The following PPARGC1A variants were observed in gnomAD, a reference collection of about 807,000 sequenced individuals.
PPARGC1A encodes peroxisome proliferator-activated receptor gamma coactivator 1-alpha.
In PPARGC1A, 25 loss-of-function variants were observed where a neutral mutation model predicts 88.7. The observed-to-expected ratio is 0.28, with a 90% CI of 0.21 to 0.39. The LOEUF is 0.39. PPARGC1A is among the 10% of genes least tolerant of loss of function. PPARGC1A has a pLI of 1.00. For missense variants in PPARGC1A, 880 were observed against 968.7 expected (o/e 0.91, Z 1.22); for synonymous variants, 363 against 355.6 (o/e 1.02, Z -0.24).
upstream of PPARGC1A, among the ~76,000 whole-genome samples, chr4:23,900,954 G>T (rs1408275910): frequency 6.6e-6 from 1 of 152,236 alleles, no homozygotes; most frequent in Admixed American, 6.5e-5. Flanking sequence ...GCTGGGTGCG[G>T]TGGCTCACGC....
At chr4:24,101,439 A>G in the PPARGC1A span, among the ~76,000 whole-genome samples, 5,894 of 152,296 alleles carry the variant, frequency 0.039, 326 homozygotes, top group African/African-American at 0.12. Context: ...ATGGACTAAT[A>G]TAACTTTATT....
chr4:24,039,819 T>C, the PPARGC1A span, among the ~76,000 whole-genome samples: 5 of 152,160 alleles, frequency 3.3e-5, no homozygotes, highest in African/African-American at 9.6e-5. Flanking sequence ...AAGCACTCGA[T>C]AGAAACGTAG....
At chr4:24,315,754 C>A in the PPARGC1A span, among the ~76,000 whole-genome samples, 1 of 152,180 alleles carries the variant, frequency 6.6e-6, no homozygotes, top group Non-Finnish European at 1.5e-5. Flanking sequence ...ACAGGACACC[C>A]TCCCACAACA....
At chr4:24,182,908 G>A in the PPARGC1A span, among the ~76,000 whole-genome samples, 709 of 152,222 alleles carry the variant, frequency 4.7e-3, 3 homozygotes, top group Non-Finnish European at 5.8e-3. Flanking sequence ...GCTGTCCTGC[G>A]TGCCAGGAAT....
the PPARGC1A span, among the ~76,000 whole-genome samples, chr4:24,071,185 C>T: frequency 2.6e-5 from 4 of 152,142 alleles, no homozygotes; most frequent in Admixed American, 6.6e-5. Flanking sequence ...ATCCCCACCT[C>T]AGTATGATAT....
At chr4:24,031,682 T>C in the PPARGC1A span, among the ~76,000 whole-genome samples, 1 of 152,158 alleles carries the variant, frequency 6.6e-6, no homozygotes, top group African/African-American at 2.4e-5. Context: ...ATCCACTAGA[T>C]AACAGTAGCA....
At chr4:24,342,061 C>T in the PPARGC1A span, among the ~76,000 whole-genome samples, 1 of 152,162 alleles carries the variant, frequency 6.6e-6, no homozygotes, top group Non-Finnish European at 1.5e-5. Context: ...TCTTTTAGTA[C>T]TGAAACTCAA....
chr4:23,986,472 G>C, the PPARGC1A span, among the ~76,000 whole-genome samples: 1 of 152,090 alleles, frequency 6.6e-6, no homozygotes, highest in African/African-American at 2.4e-5. Context: ...TATTTAGCCA[G>C]CTTACGCAGT....
At chr4:23,917,664 G>C in the PPARGC1A span, among the ~76,000 whole-genome samples, 1 of 152,088 alleles carries the variant, frequency 6.6e-6, no homozygotes, top group East Asian at 1.9e-4. Context: ...ACCACATAAG[G>C]GTAGGTACTT....
the PPARGC1A span, among the ~76,000 whole-genome samples, chr4:24,359,569 C>T: frequency 6.6e-6 from 1 of 152,170 alleles, no homozygotes; most frequent in Non-Finnish European, 1.5e-5. Context: ...TCCCTGATAC[C>T]TATGAATGGG....
At chr4:24,248,818 T>C in the PPARGC1A span, among the ~76,000 whole-genome samples, 2 of 152,158 alleles carry the variant, frequency 1.3e-5, no homozygotes, top group African/African-American at 2.4e-5. Flanking sequence ...TTCTGGGGGT[T>C]ATAACATGTG....
At chr4:24,348,682 C>CTAAGAA in the PPARGC1A span, among the ~76,000 whole-genome samples, 1 of 152,092 alleles carries the variant, frequency 6.6e-6, no homozygotes, top group Non-Finnish European at 1.5e-5. Context: ...TTTAAGCTGT[C>CTAAGAA]TATTTCCATG....
At chr4:24,092,875 G>A in the PPARGC1A span, among the ~76,000 whole-genome samples, 4 of 152,276 alleles carry the variant, frequency 2.6e-5, no homozygotes, top group South Asian at 2.1e-4. Flanking sequence ...TGCCAGCCTC[G>A]AAATGTATTC....
chr4:24,290,482 T>C, the PPARGC1A span, among the ~76,000 whole-genome samples: 2 of 152,168 alleles, frequency 1.3e-5, no homozygotes, highest in African/African-American at 4.8e-5. Flanking sequence ...ATCTATAAAA[T>C]GGAGATTATA....
At chr4:24,224,455 A>C in the PPARGC1A span, among the ~76,000 whole-genome samples, 2 of 152,220 alleles carry the variant, frequency 1.3e-5, no homozygotes, top group African/African-American at 4.8e-5. Flanking sequence ...TAAAGGAATA[A>C]ATAAGTGAAA....
chr4:24,221,722 A>G, the PPARGC1A span, among the ~76,000 whole-genome samples: 1 of 152,184 alleles, frequency 6.6e-6, no homozygotes, highest in Non-Finnish European at 1.5e-5. Flanking sequence ...GCCGTGAGCT[A>G]TGATCACACC....
the PPARGC1A span, among the ~76,000 whole-genome samples, chr4:24,294,596 C>CA: frequency 6.6e-6 from 1 of 152,082 alleles, no homozygotes; most frequent in African/African-American, 2.4e-5. Flanking sequence ...CCCCCACTCC[C>CA]AAAAAACAAG....
At chr4:23,927,472 C>T in the PPARGC1A span, among the ~76,000 whole-genome samples, 1 of 151,950 alleles carries the variant, frequency 6.6e-6, no homozygotes, top group Non-Finnish European at 1.5e-5. Flanking sequence ...TTTAATTTTG[C>T]AGTTAGGAGA....
At chr4:24,458,239 T>G in the PPARGC1A span, among the ~76,000 whole-genome samples, 1 of 152,144 alleles carries the variant, frequency 6.6e-6, no homozygotes, top group Admixed American at 6.5e-5. Context: ...GTGGCTCACA[T>G]CTGTAATCCC....
Sources: gnomAD v4.1 joint callset for allele counts (sites outside exome capture counted in the v4.1 genomes callset) on GRCh38, gnomAD v4.1.1 for gene constraint, MANE v1.5 for transcripts, NCBI Gene and HGNC (gene_info 2026-07-23, HGNC 2026-07-21) for gene names.